SGCD: variants seen among roughly 807,000 people sequenced by gnomAD.
The protein encoded by SGCD is delta-sarcoglycan.
SGCD carries 18 observed loss-of-function variants against 36.6 expected under a neutral mutation model. The observed-to-expected ratio is 0.49, with a 90% CI of 0.34 to 0.73. The LOEUF is 0.73. SGCD is among the 30% of genes least tolerant of loss of function. The pLI is 0.01. For synonymous variants in SGCD, 133 were observed against 130.6 expected (o/e 1.02, Z -0.12); for missense variants, 387 against 346.7 (o/e 1.12, Z -0.92).
chr5:155,915,373 C>T (rs532099678), intron 1 of SGCD, among the ~76,000 whole-genome samples: 19 of 152,162 alleles, frequency 1.2e-4, no homozygotes, highest in South Asian at 4.1e-4. Context: ...CCATTGAAAA[C>T]GCATGGTTTA....
At chr5:155,861,202 A>T in the SGCD span, among the ~76,000 whole-genome samples, 1 of 152,222 alleles carries the variant, frequency 6.6e-6, no homozygotes, top group African/African-American at 2.4e-5. Context: ...AATTAAAACA[A>T]GTATTATGAT....
intron 1 of SGCD, among the ~76,000 whole-genome samples, chr5:155,892,676 C>A (rs1388794743): frequency 6.6e-6 from 1 of 152,080 alleles, no homozygotes; most frequent in Non-Finnish European, 1.5e-5. Flanking sequence ...ATGTTGGCAA[C>A]TAGTTTGCTG....
At chr5:155,970,975 G>A (rs926562353) in intron 1 of SGCD, among the ~76,000 whole-genome samples, 22 of 152,002 alleles carry the variant, frequency 1.4e-4, no homozygotes, top group Non-Finnish European at 4.4e-5. Context: ...TTTCCTCATG[G>A]TCTCAGGGTG....
At chr5:155,938,395 A>T (rs1450233697) in intron 1 of SGCD, among the ~76,000 whole-genome samples, 1 of 152,128 alleles carries the variant, frequency 6.6e-6, no homozygotes, top group Non-Finnish European at 1.5e-5. Context: ...TGAGTTTGGG[A>T]CTCAAAAAGG....
chr5:156,037,558 A>T (rs1759529583), intron 1 of SGCD, among the ~76,000 whole-genome samples: 1 of 152,214 alleles, frequency 6.6e-6, no homozygotes, highest in African/African-American at 2.4e-5. Flanking sequence ...AGGACACATA[A>T]AACATCTTGC....
chr5:155,922,729 C>T (rs112506697), intron 1 of SGCD, among the ~76,000 whole-genome samples: 2 of 152,224 alleles, frequency 1.3e-5, no homozygotes, highest in East Asian at 1.9e-4. Flanking sequence ...TCCTCTCCCC[C>T]ACTAGTGCAT....
At chr5:155,816,559 A>G in the SGCD span, among the ~76,000 whole-genome samples, 6 of 152,206 alleles carry the variant, frequency 3.9e-5, no homozygotes, top group Non-Finnish European at 7.4e-5. Flanking sequence ...AACTCTACAT[A>G]TAAGTGGATC....
intron 6 of SGCD, among the ~76,000 whole-genome samples, chr5:156,605,948 C>T (rs1450780639): frequency 1.3e-5 from 2 of 152,138 alleles, no homozygotes; most frequent in African/African-American, 4.8e-5. Flanking sequence ...GATATTAGCC[C>T]TTTGTCAGAT....
chr5:156,157,827 T>G (rs1189975622), intron 3 of SGCD, among the ~76,000 whole-genome samples: 1 of 151,750 alleles, frequency 6.6e-6, no homozygotes, highest in East Asian at 1.9e-4. Flanking sequence ...AAATACAGTA[T>G]AATCACAGTT....
the SGCD span, among the ~76,000 whole-genome samples, chr5:155,728,087 C>T: frequency 6.6e-6 from 1 of 152,130 alleles, no homozygotes; most frequent in Admixed American, 6.5e-5. Flanking sequence ...CACCAGTCTT[C>T]CTGGAGCTGC....
intron 6 of SGCD, among the ~76,000 whole-genome samples, chr5:156,628,552 T>G (rs1466857531): frequency 6.6e-6 from 1 of 152,230 alleles, no homozygotes; most frequent in East Asian, 1.9e-4. Context: ...TGGGATTTGT[T>G]TTTAAAGTAA....
At chr5:156,595,153 T>C in intron 6 of SGCD, 102 bp downstream of exon 6, 3 of 1,328,796 alleles carry the variant, frequency 2.3e-6, no homozygotes, top group Non-Finnish European at 3.0e-6. Flanking sequence ...CCAAAATTCA[T>C]ATATCGAAAT....
chr5:156,252,073 CT>C (rs112337099), intron 3 of SGCD, among the ~76,000 whole-genome samples: 13 of 146,500 alleles, frequency 8.9e-5, no homozygotes, highest in South Asian at 4.3e-4. Flanking sequence ...ATTTTTTTTT[CT>C]TTTTTTTTTG....
chr5:156,329,504 T>C (rs1334556630), intron 1 of SGCD, 30 bp from the exon 2 acceptor site: 3 of 1,521,940 alleles, frequency 2.0e-6, no homozygotes, highest in Non-Finnish European at 2.7e-6. Context: ...TCTTCAGACC[T>C]TATTTTTAAC....
At chr5:155,959,220 C>A (rs13187962) in intron 1 of SGCD, among the ~76,000 whole-genome samples, 35,930 of 152,084 alleles carry the variant, frequency 0.24, 5,048 homozygotes, top group South Asian at 0.39. Flanking sequence ...TCCACACTCA[C>A]CTGCAGTTTT....
At chr5:156,375,931 C>T (rs1770643794) in intron 3 of SGCD, among the ~76,000 whole-genome samples, 13 of 151,848 alleles carry the variant, frequency 8.6e-5, no homozygotes, top group Admixed American at 8.5e-4. Flanking sequence ...GCTAGTCAAC[C>T]TTTTAAAACA....
chr5:156,431,777 G>A (rs113536542), intron 3 of SGCD, among the ~76,000 whole-genome samples: 3,952 of 152,144 alleles, frequency 0.026, 186 homozygotes, highest in African/African-American at 0.089. Context: ...GTGCAGTGGC[G>A]TGATCTCGAC....
chr5:156,564,465 A>G (rs1371281161), intron 4 of SGCD, among the ~76,000 whole-genome samples: 2 of 152,156 alleles, frequency 1.3e-5, no homozygotes, highest in Non-Finnish European at 2.9e-5. Context: ...AAAACAAAAC[A>G]AAACAATTTA....
At chr5:155,972,996 T>G (rs1758037962) in intron 1 of SGCD, among the ~76,000 whole-genome samples, 1 of 152,184 alleles carries the variant, frequency 6.6e-6, no homozygotes, top group Non-Finnish European at 1.5e-5. Context: ...TTGTCCTTTG[T>G]TAGTCATTTT....
Sources: gnomAD v4.1 joint callset for allele counts (sites outside exome capture counted in the v4.1 genomes callset) on GRCh38, gnomAD v4.1.1 for gene constraint, MANE v1.5 for transcripts, NCBI Gene and HGNC (gene_info 2026-07-23, HGNC 2026-07-21) for gene names.